Variants in CFAP299 observed in about 807,000 individuals in gnomAD.
CFAP299 encodes cilia and flagella associated protein 299.
A neutral mutation model predicts 27.0 loss-of-function variants in CFAP299; 21 were observed. That is an observed-to-expected ratio of 0.78 (90% confidence interval 0.55 to 1.12). The LOEUF (loss-of-function observed/expected upper bound fraction) is 1.12, where lower values mean the gene tolerates loss of function less well. CFAP299 is among the 50% of genes most tolerant of loss of function. The probability of loss-of-function intolerance (pLI) is 0.00; values close to 1 mark genes in which losing one functional copy is unlikely to be tolerated. For missense variants in CFAP299, 310 were observed against 276.6 expected (o/e 1.12, Z -0.86); for synonymous variants, 104 against 98.1 (o/e 1.06, Z -0.36).
At chr4:80,531,215 A>G (rs1240411845) in intron 2 of CFAP299, among the ~76,000 whole-genome samples, 1 of 152,170 alleles carries the variant, frequency 6.6e-6, no homozygotes, top group Non-Finnish European at 1.5e-5. Flanking sequence ...TGAAAATAGC[A>G]TGAAATTTCC....
intron 3 of CFAP299, among the ~76,000 whole-genome samples, chr4:80,642,491 C>T (rs560651090): frequency 3.3e-5 from 5 of 152,312 alleles, no homozygotes; most frequent in South Asian, 4.1e-4. Flanking sequence ...GTTGGCCAGG[C>T]GTGGTGGCTC....
chr4:80,562,248 AC>A (rs748839864), intron 2 of CFAP299, among the ~76,000 whole-genome samples: 2 of 152,084 alleles, frequency 1.3e-5, no homozygotes, highest in Non-Finnish European at 2.9e-5. Flanking sequence ...AAAGAATACC[AC>A]AAAATAACCA....
intron 3 of CFAP299, among the ~76,000 whole-genome samples, chr4:80,619,788 CAT>C (rs1463829745): frequency 1.3e-5 from 2 of 151,960 alleles, no homozygotes; most frequent in African/African-American, 2.4e-5. Context: ...TATTAATAGA[CAT>C]ATAATATATT....
At chr4:80,466,443 A>G (rs1729701697) in intron 2 of CFAP299, among the ~76,000 whole-genome samples, 1 of 152,236 alleles carries the variant, frequency 6.6e-6, no homozygotes, top group Admixed American at 6.5e-5. Context: ...GTTTCCCTCA[A>G]AACTTTTTTT....
chr4:80,515,636 G>A (rs1190845791), intron 2 of CFAP299, among the ~76,000 whole-genome samples: 6 of 152,102 alleles, frequency 3.9e-5, no homozygotes, highest in African/African-American at 1.4e-4. Flanking sequence ...GATGTCCCAG[G>A]GAGTTAGGAT....
chr4:80,378,347 G>T (rs564672720), intron 2 of CFAP299, among the ~76,000 whole-genome samples: 44 of 152,008 alleles, frequency 2.9e-4, no homozygotes, highest in Non-Finnish European at 5.3e-4. Flanking sequence ...GTATGCAGAA[G>T]ATCATAAATT....
At chr4:80,354,900 T>C (rs1723189097) in intron 1 of CFAP299, among the ~76,000 whole-genome samples, 2 of 152,184 alleles carry the variant, frequency 1.3e-5, no homozygotes, top group Non-Finnish European at 2.9e-5. Context: ...ATGTACCACA[T>C]TTTCTTTATC....
chr4:80,476,944 CGTGTGTGT>C (rs369887747), intron 2 of CFAP299, among the ~76,000 whole-genome samples: 2 of 137,710 alleles, frequency 1.5e-5, no homozygotes, highest in African/African-American at 5.9e-5. Flanking sequence ...TGTGTGTGTG[CGTGTGTGT>C]GCGCATGCGT....
intron 4 of CFAP299, among the ~76,000 whole-genome samples, chr4:80,887,754 T>C (rs1164220112): frequency 6.6e-6 from 1 of 152,118 alleles, no homozygotes; most frequent in African/African-American, 2.4e-5. Flanking sequence ...TAATTAACCA[T>C]GAAAACTACA....
chr4:80,613,929 T>C (rs1352076), intron 3 of CFAP299, among the ~76,000 whole-genome samples: 96,649 of 152,028 alleles, frequency 0.64, 34,283 homozygotes, highest in Non-Finnish European at 0.79. Flanking sequence ...CTCTTCGCTA[T>C]TCCTTATACC....
rs1161129335 is a variant in CFAP299, at chr4:80,662,558, A to T, written c.333+79375A>T. On this transcript the variant is annotated intron_variant, in intron 3 of 5. Transcript: ENST00000358105. ...AATACAGCAGTGGAGGGTTAAAGCAAAATGCTGCTACTTAATTTGGGGGTT... is the reference window on the plus strand; with the variant it reads ...AATACAGCAGTGGAGGGTTAAAGCATAATGCTGCTACTTAATTTGGGGGTT... Among the ~76,000 whole-genome samples, 3 of 152,202 alleles carry T rather than the reference A, an allele frequency of 2.0e-5. No homozygotes were observed. In the East Asian group the frequency reaches 5.8e-4, roughly 29 times the overall value.
chr4:80,765,079 TTATAA>T (rs1019475626), intron 3 of CFAP299, among the ~76,000 whole-genome samples: 2 of 152,004 alleles, frequency 1.3e-5, no homozygotes, highest in Admixed American at 6.6e-5. Context: ...ATCCCAGAAC[TTATAA>T]TAATAATAAT....
At chr4:80,360,379 C>T (rs948583282) in intron 1 of CFAP299, among the ~76,000 whole-genome samples, 5 of 152,132 alleles carry the variant, frequency 3.3e-5, no homozygotes, top group African/African-American at 4.8e-5. Context: ...GGTGGGTACA[C>T]GTCTAGGTGC....
intron 3 of CFAP299, among the ~76,000 whole-genome samples, chr4:80,757,672 C>T (rs1022962159): frequency 1.3e-5 from 2 of 151,734 alleles, no homozygotes; most frequent in Admixed American, 1.3e-4. Flanking sequence ...TGAAACATTA[C>T]TCTTTTTCAC....
intron 3 of CFAP299, among the ~76,000 whole-genome samples, chr4:80,603,955 A>G (rs577091797): frequency 1.3e-5 from 2 of 152,284 alleles, no homozygotes; most frequent in Non-Finnish European, 2.9e-5. Flanking sequence ...AAATTAATAC[A>G]ACATGTTACC....
At chr4:80,725,967 A>C (rs1184221546) in intron 3 of CFAP299, among the ~76,000 whole-genome samples, 1 of 152,202 alleles carries the variant, frequency 6.6e-6, no homozygotes, top group African/African-American at 2.4e-5. Context: ...TGGCAGCTAC[A>C]TGCACCTGGT....
At chr4:80,704,729 A>C (rs935103112) in intron 3 of CFAP299, among the ~76,000 whole-genome samples, 13 of 151,852 alleles carry the variant, frequency 8.6e-5, no homozygotes, top group Non-Finnish European at 1.2e-4. Context: ...AAAACAATCT[A>C]ATATAATACC....
At chr4:80,463,619 A>G (rs1217224438) in intron 2 of CFAP299, among the ~76,000 whole-genome samples, 1 of 152,096 alleles carries the variant, frequency 6.6e-6, no homozygotes, top group African/African-American at 2.4e-5. Context: ...TGGCTTGTAG[A>G]TGGCTGCCTT....
chr4:80,680,746 C>T (rs1398625807), intron 3 of CFAP299, among the ~76,000 whole-genome samples: 2 of 152,130 alleles, frequency 1.3e-5, no homozygotes, highest in African/African-American at 4.8e-5. Flanking sequence ...ATTATTAAGG[C>T]CCAGGCAAGG....
Sources: gnomAD v4.1 joint callset for allele counts (sites outside exome capture counted in the v4.1 genomes callset) on GRCh38, gnomAD v4.1.1 for gene constraint, MANE v1.5 for transcripts, NCBI Gene and HGNC (gene_info 2026-07-23, HGNC 2026-07-21) for gene names.